Variants in BCAS3 observed in about 807,000 individuals in gnomAD.
BCAS3 encodes the protein BCAS3 microtubule associated cell migration factor, also known as BCAS4/BCAS3 fusion.
Under a neutral mutation model 116.1 loss-of-function variants are expected in BCAS3, and 53 were observed. The ratio of observed to expected loss-of-function variants is 0.46; its 90% CI spans 0.37 to 0.57. The LOEUF (loss-of-function observed/expected upper bound fraction) is 0.57, where lower values mean the gene tolerates loss of function less well. BCAS3 is among the 20% of genes least tolerant of loss of function. BCAS3 has a pLI of 0.00. For synonymous variants in BCAS3, 391 were observed against 408.2 expected (o/e 0.96, Z 0.51); for missense variants, 917 against 1,165.4 (o/e 0.79, Z 3.10).
At chr17:61,373,667 C>T (rs918882526) in intron 23 of BCAS3, among the ~76,000 whole-genome samples, 25 of 147,356 alleles carry the variant, frequency 1.7e-4, no homozygotes, top group African/African-American at 4.3e-4. Flanking sequence ...AGGCTGGTCT[C>T]GAACTCCTGG....
intron 19 of BCAS3, among the ~76,000 whole-genome samples, chr17:61,049,980 A>G (rs1600780322): frequency 6.6e-6 from 1 of 151,828 alleles, no homozygotes; most frequent in Non-Finnish European, 1.5e-5. Flanking sequence ...ATGATCGTCT[A>G]CCTCGGCCTC....
At chr17:60,891,717 A>G (rs1410623716) in intron 10 of BCAS3, 4 of 455,866 alleles carry the variant, frequency 8.8e-6, no homozygotes, top group Admixed American at 2.4e-5. Context: ...ATATTGTGTA[A>G]GGGTGGGGAT....
At chr17:60,920,970 TG>T (rs1188165083) in intron 12 of BCAS3, among the ~76,000 whole-genome samples, 43 of 152,298 alleles carry the variant, frequency 2.8e-4, no homozygotes, top group African/African-American at 9.6e-4. Context: ...ACACTGCTGG[TG>T]GGCATCTGAA....
At chr17:61,283,545 C>A (rs990338899) in intron 22 of BCAS3, among the ~76,000 whole-genome samples, 11 of 151,892 alleles carry the variant, frequency 7.2e-5, no homozygotes, top group Non-Finnish European at 1.3e-4. Flanking sequence ...GCTCCGCCTC[C>A]TGGGTTCACG....
Position 61,029,747 on chromosome 17 carries a change from T to C in BCAS3, c.1638-4919T>C, listed in dbSNP as rs1212856006. 1.3e-5 allele frequency among the ~76,000 whole-genome samples: 2 copies of C among 152,020 alleles called. No homozygotes were observed. Among genetic ancestry groups the C allele is most frequent in the African/African-American group, 4.8e-5 (2 of 41,440 alleles). ...TATATAAGGGTAAATTTTAAAGAAT[T>C]AAAATTTGCATATTAAATTAGAAAG... On this transcript the variant is annotated intron_variant, in intron 16 of 23. Coordinates refer to ENST00000407086, the MANE Select transcript of BCAS3 (RefSeq NM_017679.5). This position sits in a 1 kb window ranked among gnomAD's most constrained non-coding sequence, Gnocchi z 5.2.
intron 5 of BCAS3, among the ~76,000 whole-genome samples, chr17:60,745,813 A>G (rs192443028): frequency 9.8e-4 from 149 of 152,266 alleles, no homozygotes; most frequent in Non-Finnish European, 1.6e-3. Context: ...AATAATTTGT[A>G]GTAATTATCA....
At chr17:61,270,454 T>C (rs1277654749) in intron 22 of BCAS3, among the ~76,000 whole-genome samples, 1 of 151,846 alleles carries the variant, frequency 6.6e-6, no homozygotes, top group Non-Finnish European at 1.5e-5. Context: ...GGTTGCTTTA[T>C]TGTTGTTGAG....
At chr17:61,194,015 G>A (rs2080320733) in intron 22 of BCAS3, among the ~76,000 whole-genome samples, 1 of 152,060 alleles carries the variant, frequency 6.6e-6, no homozygotes, top group African/African-American at 2.4e-5. Flanking sequence ...TATTTGGGAG[G>A]CTGAGGCAGG....
Position 61,008,445 on chromosome 17 carries a change from T to C in BCAS3, c.1487-7306T>C, listed in dbSNP as rs1281367480. 6.6e-6 allele frequency among the ~76,000 whole-genome samples: 1 copy of C among 152,022 alleles called. No homozygotes were observed. The highest frequency in any genetic ancestry group is 1.9e-4 in the East Asian group (1 of 5,188). On this transcript the variant is annotated intron_variant, in intron 15 of 23. Coordinates refer to ENST00000407086, the MANE Select transcript of BCAS3 (RefSeq NM_017679.5). The surrounding 1 kb of genome is among the most constrained non-coding windows in gnomAD (Gnocchi z 4.6). ...TGGTTGAAAAAACTTTAATGTTAAA[T>C]TGGATGGCAAGCAAGAACTAAGCAG... is the stretch of plus-strand genomic sequence containing the variant.
chr17:60,686,335 C>G (rs1186228507), intron 3 of BCAS3, among the ~76,000 whole-genome samples: 1 of 152,094 alleles, frequency 6.6e-6, no homozygotes, highest in Non-Finnish European at 1.5e-5. Flanking sequence ...TTCTGGGAAT[C>G]ATCAAATTCA....
chr17:61,100,857 A>G (rs2074282494), intron 22 of BCAS3, among the ~76,000 whole-genome samples: 1 of 145,934 alleles, frequency 6.9e-6, no homozygotes, highest in Non-Finnish European at 1.5e-5. Flanking sequence ...TTTTAACAAC[A>G]TACTTTTTAG....
In BCAS3 at chr17:61,377,136, C is replaced by T. The variant is rs561494332; in HGVS notation, c.2593+8642C>T. Among the ~76,000 whole-genome samples the T allele has an allele frequency of 5.9e-5, 9 of 152,330 alleles. No homozygotes were observed. Among genetic ancestry groups the T allele is most frequent in the African/African-American group, 2.2e-4 (9 of 41,580 alleles). On this transcript the variant is annotated intron_variant, in intron 23 of 23. Coordinates refer to ENST00000407086, the MANE Select transcript of BCAS3 (RefSeq NM_017679.5). The surrounding 1 kb of genome is among the most constrained non-coding windows in gnomAD (Gnocchi z 4.6). ...GAAGTCAGGAGTGCTCCCCTGCCCACAGGGCATGGTCTTTCTAGGATGCGG... is the reference window on the plus strand; with the variant it reads ...GAAGTCAGGAGTGCTCCCCTGCCCATAGGGCATGGTCTTTCTAGGATGCGG...
Position 61,017,812 on chromosome 17 carries a change from T to TCG in BCAS3, c.1637+1912_1637+1913insGC, listed in dbSNP as rs1416073416. On this transcript the variant is annotated intron_variant, in intron 16 of 23. Transcript: ENST00000407086. This position sits in a 1 kb window ranked among gnomAD's most constrained non-coding sequence, Gnocchi z 4.7. ...ATCTCTTGCTTTCTTTCTCTCTCTC[T>TCG]CCCTCTTACAACCCGATTTCTCTCT... 6.6e-6 allele frequency among the ~76,000 whole-genome samples: 1 copy of TCG among 152,170 alleles called. No individual in the cohort carries two copies. The highest frequency in any genetic ancestry group is 1.5e-5 in the Non-Finnish European group (1 of 68,010).
chr17:61,096,731 C>T (rs189064130), intron 22 of BCAS3, among the ~76,000 whole-genome samples: 86 of 152,208 alleles, frequency 5.7e-4, no homozygotes, highest in African/African-American at 2.0e-3. Flanking sequence ...ACCTCCACTA[C>T]GATGTTGAAT....
chr17:61,340,460 G>T (rs754726780), intron 22 of BCAS3, among the ~76,000 whole-genome samples: 1 of 152,124 alleles, frequency 6.6e-6, no homozygotes, highest in Non-Finnish European at 1.5e-5. Flanking sequence ...CAGTTTGAGG[G>T]TAGAGGAGAA....
intron 13 of BCAS3, among the ~76,000 whole-genome samples, chr17:60,927,635 G>T (rs1351392499): frequency 6.6e-6 from 1 of 152,042 alleles, no homozygotes; most frequent in Non-Finnish European, 1.5e-5. Flanking sequence ...AATGGTTCAT[G>T]GTGTATAGAG....
At position 61,038,028 on chromosome 17, in the gene BCAS3, G is replaced by T; in HGVS notation, c.1902G>T (p.Ser634=). ...ACACACCACTGGAAATGATGACATC[G>T]CCTCGAGCCAGCTGGACTCTGGTTA... The part of the protein sequence containing the change: ...SDDTPLEMMT[S]PRASWTLVRT... Residue 634 remains serine (S), a synonymous_variant, in exon 18 of 24, where the codon TCG becomes TCT. Coordinates refer to ENST00000407086, the MANE Select transcript of BCAS3 (RefSeq NM_017679.5). The T allele has an allele frequency of 6.2e-7, 1 of 1,613,962 alleles. No individual in the cohort carries two copies. The highest frequency in any genetic ancestry group is 8.5e-7 in the Non-Finnish European group (1 of 1,179,956).
rs1212245063 is a variant in BCAS3 at position 61,097,163 on chromosome 17, GTTTC to G, written c.2425+12603_2425+12606del. Among the ~76,000 whole-genome samples, 3 of 152,118 alleles carry G rather than the reference GTTTC, an allele frequency of 2.0e-5. No homozygotes were observed. Among genetic ancestry groups the G allele is most frequent in the East Asian group, 3.9e-4 (2 of 5,178 alleles). On this transcript the variant is annotated intron_variant, in intron 22 of 23. Transcript: ENST00000407086. This position sits in a 1 kb window ranked among gnomAD's most constrained non-coding sequence, Gnocchi z 4.0. ...GAAGGAATTTTAAGAAGCCTACTCTGTTTCTTTATTTGTTTTTTTCTTTTTTCTT... is the reference window on the plus strand; with the variant it reads ...GAAGGAATTTTAAGAAGCCTACTCTGTTTATTTGTTTTTTTCTTTTTTCTT...
chr17:61,386,798 T>TG (rs1491022564), intron 23 of BCAS3, among the ~76,000 whole-genome samples: 6 of 12,854 alleles, frequency 4.7e-4, no homozygotes, highest in Middle Eastern at 0.05. Flanking sequence ...TGTTTTTTGT[T>TG]TTTTTTTTTT....
Sources: gnomAD v4.1 joint callset for allele counts (sites outside exome capture counted in the v4.1 genomes callset) on GRCh38, gnomAD v4.1.1 for gene constraint, Gnocchi (gnomAD v3.1) non-coding constraint, MANE v1.5 for transcripts, NCBI Gene and HGNC (gene_info 2026-07-23, HGNC 2026-07-21) for gene names.